EXOG: variants seen among roughly 807,000 people sequenced by gnomAD.
The protein encoded by EXOG is nuclease EXOG, mitochondrial.
In EXOG, 27 loss-of-function variants were observed where a neutral mutation model predicts 25.8. That is an observed-to-expected ratio of 1.05 (90% CI 0.77 to 1.45). The LOEUF (loss-of-function observed/expected upper bound fraction) is 1.45. Among genes scored for constraint, EXOG ranks in the 40% most tolerant of loss-of-function variants. EXOG has a pLI of 0.00. For missense variants in EXOG, 458 were observed against 450.5 expected (o/e 1.02, Z -0.15); for synonymous variants, 133 against 167.0 (o/e 0.80, Z 1.57).
chr3:38,497,925 C>T, intron 2 of EXOG, 147 bp downstream of exon 2: 5 of 1,051,070 alleles, frequency 4.8e-6, no homozygotes, highest in Non-Finnish European at 6.5e-6. Flanking sequence ...CTGGTTAAAT[C>T]AACCCTGCCT....
At chr3:38,519,628 TA>T (rs2060647258) in intron 5 of EXOG, among the ~76,000 whole-genome samples, 1 of 152,198 alleles carries the variant, frequency 6.6e-6, no homozygotes, top group South Asian at 2.1e-4. Flanking sequence ...TAATGAAAGT[TA>T]AATTATTTTA....
Position 38,524,572 on chromosome 3 carries a change from C to CGT in EXOG, c.*210_*211insGT. 1 of 1,257,980 alleles carries CGT rather than the reference C, an allele frequency of 7.9e-7. No homozygotes were observed. Among genetic ancestry groups the CGT allele is most frequent in the Middle Eastern group, 3.0e-4 (1 of 3,288 alleles). The allele number at this position is 1,257,980 out of a possible 1,614,324, so 77.9% of individuals were successfully genotyped here. On this transcript the variant is annotated 3_prime_UTR_variant, in exon 6 of 6. Coordinates refer to ENST00000287675, the MANE Select transcript of EXOG (RefSeq NM_005107.4). ...CTGGGCTTAAGCAATCCTCCTGCCTCTGCCCCCTGAGCAGCTGGGACTACA... is the reference window on the plus strand; with the variant it reads ...CTGGGCTTAAGCAATCCTCCTGCCTCGTTGCCCCCTGAGCAGCTGGGACTACA...
intron 5 of EXOG, among the ~76,000 whole-genome samples, chr3:38,513,330 G>A (rs1422111513): frequency 6.6e-6 from 1 of 152,082 alleles, no homozygotes; most frequent in Non-Finnish European, 1.5e-5. Flanking sequence ...TTCCTGTCTA[G>A]CCCTTGTTGG....
chr3:38,523,851 C>T (rs757788074), intron 5 of EXOG, 50 bp from the exon 6 acceptor site: 39 of 1,400,596 alleles, frequency 2.8e-5, no homozygotes, highest in African/African-American at 4.3e-5. Context: ...AAAAAATTTG[C>T]GAACTGTTAG....
At chr3:38,499,077 C>G in intron 2 of EXOG, 1 of 414,250 alleles carries the variant, frequency 2.4e-6, no homozygotes, top group South Asian at 1.8e-5. Context: ...GTGAATTAGT[C>G]TTTTTTGGTA....
At chr3:38,498,914 A>G (rs1255844948) in intron 2 of EXOG, 2 of 456,492 alleles carry the variant, frequency 4.4e-6, no homozygotes, top group Non-Finnish European at 8.8e-6. Context: ...TTAATGTCAA[A>G]TTGGTTTCTA....
intron 5 of EXOG, among the ~76,000 whole-genome samples, chr3:38,517,507 G>A (rs1435023655): frequency 1.3e-5 from 2 of 152,238 alleles, no homozygotes; most frequent in African/African-American, 4.8e-5. Context: ...TAGAAACCAA[G>A]ATCTGGACAG....
chr3:38,498,585 T>C (rs1456707654), intron 2 of EXOG, among the ~76,000 whole-genome samples: 1 of 151,706 alleles, frequency 6.6e-6, no homozygotes, highest in African/African-American at 2.4e-5. Context: ...TGAGAGATTA[T>C]AACACAAGAA....
rs1317036652 is a variant in EXOG, at chr3:38,496,548, T to C, written c.163+18T>C. On this transcript the variant is annotated intron_variant, in intron 1 of 5. Transcript: ENST00000287675. ...GCCGGATGGTAAGTCTGTGGGCCCG[T>C]CCTCCCTTCGCTGGCCCAGATTTCG... 6.2e-7 allele frequency: 1 copy of C among 1,600,654 alleles called. No homozygotes were observed. The highest frequency in any genetic ancestry group is 1.1e-5 in the South Asian group (1 of 90,422).
intron 5 of EXOG, among the ~76,000 whole-genome samples, chr3:38,512,183 G>A (rs985425219): frequency 1.3e-5 from 2 of 151,434 alleles, no homozygotes; most frequent in Non-Finnish European, 2.9e-5. Flanking sequence ...CTTTTTTTTC[G>A]CTCATGGCAT....
At chr3:38,505,342 T>C (rs2060170736) in intron 4 of EXOG, 3 of 152,134 alleles carry the variant, frequency 2.0e-5, no homozygotes, top group African/African-American at 7.2e-5. Context: ...TTCCTTTCCA[T>C]ATTCTGGATT....
At chr3:38,496,854 C>T in intron 1 of EXOG, 1 of 1,311,808 alleles carries the variant, frequency 7.6e-7, no homozygotes, top group Non-Finnish European at 1.0e-6. Context: ...TTGTTAGCTC[C>T]ATAAGACTTG....
At chr3:38,517,148 A>T (rs1332779179) in intron 5 of EXOG, among the ~76,000 whole-genome samples, 1 of 152,238 alleles carries the variant, frequency 6.6e-6, no homozygotes, top group Non-Finnish European at 1.5e-5. Context: ...TTCCTGCCTG[A>T]ATTAGTTATT....
At chr3:38,516,597 T>C (rs1459061676) in intron 5 of EXOG, among the ~76,000 whole-genome samples, 1 of 152,210 alleles carries the variant, frequency 6.6e-6, no homozygotes, top group Non-Finnish European at 1.5e-5. Flanking sequence ...ACAGAATAAT[T>C]ATCAAATTCG....
At chr3:38,515,948 T>C (rs76792626) in intron 5 of EXOG, 6 of 152,236 alleles carry the variant, frequency 3.9e-5, no homozygotes, top group Admixed American at 1.3e-4. Context: ...TGAATTTTTT[T>C]CAGTCACACA....
chr3:38,503,443 T>C (rs545589434), intron 3 of EXOG, among the ~76,000 whole-genome samples, 172 bp from the exon 4 acceptor site: 3 of 152,374 alleles, frequency 2.0e-5, no homozygotes, highest in Non-Finnish European at 1.5e-5. Flanking sequence ...ATAATTATTA[T>C]AAGAGCTTTC....
At chr3:38,522,625 C>T (rs1575678257) in intron 5 of EXOG, among the ~76,000 whole-genome samples, 1 of 152,176 alleles carries the variant, frequency 6.6e-6, no homozygotes, top group East Asian at 1.9e-4. Context: ...TTGCCTCAGC[C>T]TCCCGAGTAG....
At chr3:38,514,580 A>G (rs2060474212) in intron 5 of EXOG, among the ~76,000 whole-genome samples, 1 of 152,176 alleles carries the variant, frequency 6.6e-6, no homozygotes, top group African/African-American at 2.4e-5. Context: ...AGCTAAGTGA[A>G]GAAATCATTT....
chr3:38,500,854 G>A (rs561980555), intron 2 of EXOG, among the ~76,000 whole-genome samples: 1 of 152,304 alleles, frequency 6.6e-6, no homozygotes, highest in South Asian at 2.1e-4. Context: ...TGGTTCGAGA[G>A]GCAGTAAGCA....
Sources: allele counts gnomAD v4.1 joint callset (sites outside exome capture counted in the v4.1 genomes callset), GRCh38; gene constraint gnomAD v4.1.1; transcripts MANE v1.5; gene names NCBI Gene and HGNC (gene_info 2026-07-23, HGNC 2026-07-21).